Variants in ANGPTL5 observed in about 807,000 individuals in gnomAD.
ANGPTL5 encodes angiopoietin-related protein 5.
A neutral mutation model predicts 39.4 loss-of-function variants in ANGPTL5; 34 were observed. That is an observed-to-expected ratio of 0.86 (90% CI 0.66 to 1.15). ANGPTL5 has a LOEUF of 1.15. Among genes scored for constraint, ANGPTL5 ranks in the 50% most tolerant of loss-of-function variants. ANGPTL5 has a pLI of 0.00. For synonymous variants in ANGPTL5, 146 were observed against 152.1 expected, an observed-to-expected ratio of 0.96 and a Z score of 0.29; for missense variants, 467 against 457.5, an observed-to-expected ratio of 1.02 and a Z score of -0.19.
chr11:101,893,858 A>G (rs1939746515), intron 8 of ANGPTL5, among the ~76,000 whole-genome samples: 1 of 152,104 alleles, frequency 6.6e-6, no homozygotes, highest in African/African-American at 2.4e-5. Flanking sequence ...TCCTCCCTCT[A>G]TGCCTTAACT....
chr11:101,891,130 T>C lies in ANGPTL5; in HGVS notation c.*149A>G. The stretch of plus-strand genomic sequence containing the variant: ...TTTCTTTTATAGAATACTACAAAAT[T>C]GAAGTTTTCTAATTAAACTCATAAC... On this transcript the variant is annotated 3_prime_UTR_variant, in exon 9 of 9. Coordinates refer to ENST00000334289, the MANE Select transcript of ANGPTL5 (RefSeq NM_178127.5). The C allele has an allele frequency of 1.5e-6, 1 of 658,072 alleles. No individual in the cohort carries two copies. The highest frequency in any genetic ancestry group is 2.5e-6 in the Non-Finnish European group (1 of 406,790). 40.8% of individuals were successfully genotyped at this position (658,072 alleles called of 1,614,324 possible). A position where few individuals can be genotyped will look rare whatever the true frequency, so the allele number is the denominator to read the frequency against.
chr11:101,912,251 A>G lies in ANGPTL5; in HGVS notation c.-93+3768T>C, dbSNP rs115209716. 3.5e-3 allele frequency among the ~76,000 whole-genome samples: 534 copies of G among 152,374 alleles called. 1 individual carries two copies. Among genetic ancestry groups the G allele is most frequent in the African/African-American group, 8.9e-3 (370 of 41,594 alleles). ...ATGGTTTTAAAGTGTGAAAGAATAT[A>G]ACATTGTATTTAATTCAGATGCCCC... On this transcript the variant is annotated intron_variant, in intron 1 of 8. Coordinates refer to ENST00000334289, the MANE Select transcript of ANGPTL5 (RefSeq NM_178127.5).
In ANGPTL5 at chr11:101,890,922, A is replaced by G. The variant is rs1939680635; in HGVS notation, c.*357T>C. ...TTATATAATCATATAAAGTATAAAAATAAGTAAAATATTCCCTTCAATTTT... is the reference window on the plus strand; with the variant it reads ...TTATATAATCATATAAAGTATAAAAGTAAGTAAAATATTCCCTTCAATTTT... On this transcript the variant is annotated 3_prime_UTR_variant, in exon 9 of 9. Coordinates refer to ENST00000334289, the MANE Select transcript of ANGPTL5 (RefSeq NM_178127.5). 1 of 178,416 alleles carries G rather than the reference A, an allele frequency of 5.6e-6. No individual in the cohort carries two copies. Among genetic ancestry groups the G allele is most frequent in the Admixed American group, 5.6e-5 (1 of 17,854 alleles). The allele number at this position is 178,416 out of a possible 1,614,324, so 11.1% of individuals were successfully genotyped here.
chr11:101,891,301 A>C lies in ANGPTL5; in HGVS notation c.1145T>G (p.Met382Arg). The C allele has an allele frequency of 1.9e-6, 3 of 1,612,158 alleles. No individual in the cohort carries two copies. Among genetic ancestry groups the C allele is most frequent in the South Asian group, 1.1e-5 (1 of 91,040 alleles). ...AGATTATTTAAAATATGGATTGTACATTCTTCTAATTTTCATTGAAACAGA... is the reference window on the plus strand; with the variant it reads ...AGATTATTTAAAATATGGATTGTACCTTCTTCTAATTTTCATTGAAACAGA... ...IKSVSMKIRRMYNPYFK is the reference protein window; with the variant it reads ...IKSVSMKIRRRYNPYFK Residue 382 changes from methionine to arginine, a missense_variant, in exon 9 of 9, where the codon ATG (methionine) becomes AGG (arginine). By Grantham distance (91) the Met-to-Arg change is moderately conservative. Coordinates refer to ENST00000334289, the MANE Select transcript of ANGPTL5 (RefSeq NM_178127.5).
intron 1 of ANGPTL5, among the ~76,000 whole-genome samples, chr11:101,910,992 A>G (rs1432537453): frequency 6.6e-6 from 1 of 151,446 alleles, no homozygotes; most frequent in Non-Finnish European, 1.5e-5. Flanking sequence ...GTCCTTGCAT[A>G]CAATACAAGT....
intron 8 of ANGPTL5, among the ~76,000 whole-genome samples, chr11:101,892,544 T>C (rs1939722205): frequency 6.6e-6 from 1 of 152,184 alleles, no homozygotes; most frequent in African/African-American, 2.4e-5. Context: ...ACATTGTATG[T>C]ATGGTATCCC....
intron 3 of ANGPTL5, 129 bp downstream of exon 3, chr11:101,906,974 G>T: frequency 1.5e-6 from 1 of 684,860 alleles, no homozygotes; most frequent in Non-Finnish European, 2.4e-6. Context: ...AAACAATAAA[G>T]CTTCTGGCCT....
intron 5 of ANGPTL5, among the ~76,000 whole-genome samples, chr11:101,904,371 T>G (rs987581931): frequency 6.6e-6 from 1 of 152,206 alleles, no homozygotes; most frequent in Non-Finnish European, 1.5e-5. Context: ...TAAAAAGTGC[T>G]AACTTTCAGT....
At chr11:101,901,015 CT>C (rs34425298) in intron 6 of ANGPTL5, among the ~76,000 whole-genome samples, 22,565 of 98,614 alleles carry the variant, frequency 0.23, 1,853 homozygotes, top group African/African-American at 0.31. Flanking sequence ...GCACCCCCGG[CT>C]TTTTTTTTTT....
chr11:101,896,369 T>C (rs1045888080), intron 7 of ANGPTL5, among the ~76,000 whole-genome samples: 2 of 151,754 alleles, frequency 1.3e-5, no homozygotes, highest in Non-Finnish European at 2.9e-5. Context: ...GTGTTTATTT[T>C]TTATTATACT....
chr11:101,894,207 T>C (rs1440275910), intron 8 of ANGPTL5, among the ~76,000 whole-genome samples: 1 of 152,196 alleles, frequency 6.6e-6, no homozygotes, highest in African/African-American at 2.4e-5. Context: ...TGGGAACATA[T>C]ATCATTTATT....
At position 101,907,895 on chromosome 11, in the gene ANGPTL5, G is replaced by A. The variant is rs374846209; in HGVS notation, c.15C>T (p.Ser5=). ...CATTTAAGAATAAGAGTGAGGCTTG[G>A]GATGGAGACATCATATTTTTCTTGG... MMSP[S]QASLLFLNVC... is the part of the protein sequence containing the mutation. The change falls in exon 2 of 9, where the codon TCC becomes TCT. Residue 5 remains serine (S), a synonymous_variant. Transcript: ENST00000334289. 1.9e-6 allele frequency: 3 copies of A among 1,606,532 alleles called. No individual in the cohort carries two copies. The highest frequency in any genetic ancestry group is 2.6e-6 in the Non-Finnish European group (3 of 1,173,554).
chr11:101,902,162 A>G (rs1248560224), intron 6 of ANGPTL5, among the ~76,000 whole-genome samples: 1 of 152,156 alleles, frequency 6.6e-6, no homozygotes, highest in African/African-American at 2.4e-5. Context: ...ACAATCACAT[A>G]AAATCATCTA....
intron 8 of ANGPTL5, among the ~76,000 whole-genome samples, chr11:101,893,997 C>T (rs1014669242): frequency 3.9e-5 from 6 of 152,166 alleles, no homozygotes; most frequent in Non-Finnish European, 2.9e-5. Context: ...TCAGATTCTA[C>T]AGGAATATAT....
intron 2 of ANGPTL5, among the ~76,000 whole-genome samples, 187 bp from the exon 3 acceptor site, chr11:101,907,434 G>A (rs1403501533): frequency 1.3e-5 from 2 of 151,848 alleles, no homozygotes; most frequent in South Asian, 2.1e-4. Context: ...AAAATCAAAC[G>A]GACCAATTTC....
Position 101,894,958 on chromosome 11 carries a change from A to G in ANGPTL5, c.768T>C (p.Tyr256=). The change falls in exon 8 of 9, where the codon TAT becomes TAC. Residue 256 remains tyrosine, a synonymous_variant. Coordinates refer to ENST00000334289, the MANE Select transcript of ANGPTL5 (RefSeq NM_178127.5). ...ALESEDDTLA[Y]ASYDNFWLED... ...CTAGCCAAAAATTATCATATGATGC[A>G]TAAGCAAGAGTGTCATCTTCAGATT... is the stretch of plus-strand genomic sequence containing the variant. 2 of 1,612,886 alleles carry G rather than the reference A, an allele frequency of 1.2e-6. No individual in the cohort carries two copies. Among genetic ancestry groups the G allele is most frequent in the South Asian group, 1.1e-5 (1 of 91,042 alleles).
intron 5 of ANGPTL5, 142 bp downstream of exon 5, chr11:101,904,672 A>C: frequency 1.4e-6 from 1 of 700,724 alleles, no homozygotes; most frequent in Non-Finnish European, 2.4e-6. Context: ...AATTTGCTTA[A>C]TAGCAGGTAT....
At chr11:101,915,082 G>A in intron 1 of ANGPTL5, 1 of 667,702 alleles carries the variant, frequency 1.5e-6, no homozygotes, top group Non-Finnish European at 2.3e-6. Flanking sequence ...CGGCGAGGTC[G>A]CCGCTGCCTC....
intron 8 of ANGPTL5, among the ~76,000 whole-genome samples, chr11:101,892,636 AT>A (rs1939723705): frequency 6.6e-6 from 1 of 152,188 alleles, no homozygotes; most frequent in East Asian, 1.9e-4. Flanking sequence ...CAGGAGTCAT[AT>A]TTTGTTTCAT....
Sources: gnomAD v4.1 joint callset for allele counts (sites outside exome capture counted in the v4.1 genomes callset) on GRCh38, gnomAD v4.1.1 for gene constraint, MANE v1.5 for transcripts, NCBI Gene and HGNC (gene_info 2026-07-23, HGNC 2026-07-21) for gene names.